TRPS1: variants seen among roughly 807,000 people sequenced by gnomAD.
TRPS1 encodes transcriptional repressor GATA binding 1.
Under a neutral mutation model 101.2 loss-of-function variants are expected in TRPS1, and 6 were observed. That is an observed-to-expected ratio of 0.06 (90% CI 0.03 to 0.12). The LOEUF is 0.12. Ranked by LOEUF, TRPS1 falls within the 10% of genes least tolerant of loss-of-function variation. The pLI, the probability that TRPS1 is intolerant of heterozygous loss-of-function variation, is 1.00. For missense variants in TRPS1, 1,363 were observed against 1,567.0 expected, an observed-to-expected ratio of 0.87 and a Z score of 2.20; for synonymous variants, 578 against 589.8, an observed-to-expected ratio of 0.98 and a Z score of 0.29.
intron 5 of TRPS1, among the ~76,000 whole-genome samples, chr8:115,458,185 A>C (rs1423623619): frequency 2.6e-5 from 4 of 152,178 alleles, no homozygotes; most frequent in African/African-American, 9.7e-5. Flanking sequence ...GATTTGGTAG[A>C]TAACAGAATG....
intron 5 of TRPS1, among the ~76,000 whole-genome samples, chr8:115,478,615 C>T (rs1029491760): frequency 1.3e-5 from 2 of 151,814 alleles, no homozygotes; most frequent in Admixed American, 1.3e-4. Flanking sequence ...ACCAGCCCGG[C>T]CAACATGGTG....
intron 5 of TRPS1, among the ~76,000 whole-genome samples, chr8:115,444,081 A>G (rs1813672682): frequency 6.6e-6 from 1 of 152,202 alleles, no homozygotes; most frequent in African/African-American, 2.4e-5. Flanking sequence ...TTAGCATCTT[A>G]TCTTCCACTA....
At chr8:115,461,818 C>T (rs1814187272) in intron 5 of TRPS1, among the ~76,000 whole-genome samples, 1 of 152,098 alleles carries the variant, frequency 6.6e-6, no homozygotes, top group South Asian at 2.1e-4. Context: ...ATTGCCTATA[C>T]ATCCAGTTCT....
At position 115,571,198 on chromosome 8, in the gene TRPS1, T is replaced by G. The variant is rs1332172798; in HGVS notation, c.2700+15803A>C. On this transcript the variant is annotated intron_variant, in intron 5 of 6. Coordinates refer to ENST00000395715, the MANE Select transcript of TRPS1 (RefSeq NM_014112.5). ...AACTTAAAAGGTTTGTTTAAAATAA[T>G]GGAAAATTGGTATACTCAGGGTAGT... Among the ~76,000 whole-genome samples the G allele has an allele frequency of 2.0e-5, 3 of 152,190 alleles. No homozygotes were observed. In the South Asian group the frequency reaches 6.2e-4, roughly 31 times the overall value.
At chr8:115,416,241 T>C (rs1043952294) in intron 6 of TRPS1, among the ~76,000 whole-genome samples, 4 of 151,930 alleles carry the variant, frequency 2.6e-5, no homozygotes, top group African/African-American at 9.7e-5. Flanking sequence ...TCAACAGGTA[T>C]TTATATAATA....
intron 5 of TRPS1, among the ~76,000 whole-genome samples, chr8:115,501,760 T>A (rs890300111): frequency 3.3e-5 from 5 of 152,198 alleles, no homozygotes; most frequent in Non-Finnish European, 7.3e-5. Flanking sequence ...TGGTATCTTA[T>A]CTTCACCAAC....
intron 5 of TRPS1, among the ~76,000 whole-genome samples, chr8:115,479,752 A>G (rs1416598269): frequency 6.6e-6 from 1 of 152,226 alleles, no homozygotes; most frequent in Non-Finnish European, 1.5e-5. Flanking sequence ...GTTCTTAAAC[A>G]GAAAGCAATA....
intron 5 of TRPS1, among the ~76,000 whole-genome samples, chr8:115,566,486 AATG>A (rs1411461637): frequency 6.6e-6 from 1 of 152,136 alleles, no homozygotes; most frequent in Non-Finnish European, 1.5e-5. Context: ...TTAGGGAAGC[AATG>A]ATTTCTGAGT....
intron 5 of TRPS1, among the ~76,000 whole-genome samples, chr8:115,438,271 C>T (rs947667658): frequency 6.6e-6 from 1 of 152,192 alleles, no homozygotes; most frequent in Admixed American, 6.5e-5. Context: ...GAGTATCTGC[C>T]CTGGGCCCAG....
At chr8:115,491,221 T>C (rs1815013949) in intron 5 of TRPS1, among the ~76,000 whole-genome samples, 1 of 152,244 alleles carries the variant, frequency 6.6e-6, no homozygotes, top group Non-Finnish European at 1.5e-5. Context: ...GAGACCTTTG[T>C]CTTTGTCTTT....
At chr8:115,420,988 CTT>C (rs145159726) in intron 5 of TRPS1, among the ~76,000 whole-genome samples, 37 of 138,272 alleles carry the variant, frequency 2.7e-4, no homozygotes, top group Admixed American at 2.9e-4. Context: ...TACTGTGATT[CTT>C]TTTTTTTTTT....
At chr8:115,520,742 A>C (rs1291063314) in intron 5 of TRPS1, among the ~76,000 whole-genome samples, 4 of 126 alleles carry the variant, frequency 0.032, no homozygotes, top group African/African-American at 0.1. Context: ...GACTTCTGTG[A>C]AGTACATGTT....
chr8:115,469,591 C>T (rs376230775), intron 5 of TRPS1, among the ~76,000 whole-genome samples: 5 of 152,074 alleles, frequency 3.3e-5, no homozygotes, highest in Middle Eastern at 3.2e-3. Flanking sequence ...TTCCACCTCC[C>T]GGGTTCAAGT....
chr8:115,617,866 T>C (rs1818306907), intron 3 of TRPS1, among the ~76,000 whole-genome samples: 2 of 152,174 alleles, frequency 1.3e-5, no homozygotes, highest in Non-Finnish European at 1.5e-5. Context: ...CAAACTAAGA[T>C]GGAATTTTTA....
At chr8:115,567,733 C>T (rs2130386177) in intron 5 of TRPS1, among the ~76,000 whole-genome samples, 1 of 152,248 alleles carries the variant, frequency 6.6e-6, no homozygotes, top group South Asian at 2.1e-4. Context: ...TGCCAGGCAC[C>T]TCTATCAATG....
At chr8:115,602,052 T>C (rs967631246) in intron 4 of TRPS1, among the ~76,000 whole-genome samples, 1 of 152,136 alleles carries the variant, frequency 6.6e-6, no homozygotes, top group Non-Finnish European at 1.5e-5. Context: ...AACCCTGTTT[T>C]CCCAGACATT....
chr8:115,575,541 T>A (rs1469369251), intron 5 of TRPS1, among the ~76,000 whole-genome samples: 1 of 152,104 alleles, frequency 6.6e-6, no homozygotes, highest in Admixed American at 6.6e-5. Flanking sequence ...TATATCTTGA[T>A]AGGAAAGATA....
At chr8:115,437,479 T>G (rs559622463) in intron 5 of TRPS1, among the ~76,000 whole-genome samples, 13 of 152,336 alleles carry the variant, frequency 8.5e-5, no homozygotes, top group African/African-American at 3.1e-4. Flanking sequence ...GTCACAATGA[T>G]GACAAAGGTA....
rs1002976728 is a variant in TRPS1 at position 115,500,651 on chromosome 8, G to A, written c.2701-82199C>T. On this transcript the variant is annotated intron_variant, in intron 5 of 6. Coordinates refer to ENST00000395715, the MANE Select transcript of TRPS1 (RefSeq NM_014112.5). Reference sequence around the variant, plus strand: ...GTGCTGTGATCTCAGCTCACTGCAAGCTCCGCCTCCCGGGTTCACGCCATT... The same window carrying A: ...GTGCTGTGATCTCAGCTCACTGCAAACTCCGCCTCCCGGGTTCACGCCATT... 3.9e-5 allele frequency among the ~76,000 whole-genome samples: 6 copies of A among 152,122 alleles called. No individual in the cohort carries two copies. In the East Asian group the frequency reaches 9.8e-4, roughly 25 times the overall value.
Sources: allele counts gnomAD v4.1 joint callset (sites outside exome capture counted in the v4.1 genomes callset), GRCh38; gene constraint gnomAD v4.1.1; transcripts MANE v1.5; gene names NCBI Gene and HGNC (gene_info 2026-07-23, HGNC 2026-07-21).